Variants in EXOC6 observed in about 807,000 individuals in gnomAD.
The protein encoded by EXOC6 is SEC15-like 1.
Under a neutral mutation model 112.5 loss-of-function variants are expected in EXOC6, and 60 were observed. The ratio of observed to expected loss-of-function variants is 0.53; its 90% CI spans 0.43 to 0.66. The LOEUF is 0.66. Among genes scored for constraint, EXOC6 ranks in the 30% least tolerant of loss-of-function variants. EXOC6 has a pLI of 0.00. For missense variants in EXOC6, 855 were observed against 957.1 expected, an observed-to-expected ratio of 0.89 and a Z score of 1.41; for synonymous variants, 295 against 308.0, an observed-to-expected ratio of 0.96 and a Z score of 0.44.
At chr10:92,953,867 T>TATAACTAA (rs1853550286) in intron 15 of EXOC6, among the ~76,000 whole-genome samples, 1 of 152,170 alleles carries the variant, frequency 6.6e-6, no homozygotes, top group Non-Finnish European at 1.5e-5. Flanking sequence ...TCAATGAAAA[T>TATAACTAA]GGATAACTTA....
intron 7 of EXOC6, among the ~76,000 whole-genome samples, chr10:92,918,997 G>C (rs547133486): frequency 6.6e-6 from 1 of 151,998 alleles, no homozygotes; most frequent in East Asian, 1.9e-4. Flanking sequence ...TTATTATTAG[G>C]TTTTTTGTCC....
intron 19 of EXOC6, among the ~76,000 whole-genome samples, chr10:93,012,010 C>T (rs746526202): frequency 3.3e-5 from 5 of 152,158 alleles, no homozygotes; most frequent in African/African-American, 4.8e-5. Context: ...AATTTAGTCA[C>T]TTATCTAATG....
At chr10:92,989,737 G>A (rs1843155652) in intron 18 of EXOC6, among the ~76,000 whole-genome samples, 1 of 152,136 alleles carries the variant, frequency 6.6e-6, no homozygotes, top group African/African-American at 2.4e-5. Flanking sequence ...ATACAGAAGT[G>A]ATATTCAGAA....
intron 19 of EXOC6, chr10:92,999,223 GTTTT>G: frequency 1.1e-5 from 4 of 348,130 alleles, no homozygotes; most frequent in East Asian, 9.7e-5. Flanking sequence ...TTTTTTACAA[GTTTT>G]TTTTTTTTTT....
intron 20 of EXOC6, among the ~76,000 whole-genome samples, chr10:93,020,218 TCA>T (rs1348368590): frequency 6.6e-6 from 1 of 152,194 alleles, no homozygotes; most frequent in Non-Finnish European, 1.5e-5. Flanking sequence ...ACTAATGTTT[TCA>T]CATTTTTCTC....
At chr10:92,948,577 A>ACTACTG (rs1853188702) in intron 14 of EXOC6, among the ~76,000 whole-genome samples, 198 bp downstream of exon 14, 1 of 141,560 alleles carries the variant, frequency 7.1e-6, no homozygotes, top group Non-Finnish European at 1.5e-5. Flanking sequence ...TACTACCACT[A>ACTACTG]CTACTACTAC....
chr10:93,042,336 A>G (rs1012179325), intron 20 of EXOC6, among the ~76,000 whole-genome samples: 2 of 152,222 alleles, frequency 1.3e-5, no homozygotes, highest in East Asian at 3.8e-4. Context: ...TGATGCTCTG[A>G]TAATAGCCTA....
intron 2 of EXOC6, 73 bp downstream of exon 2, chr10:92,893,593 T>A: frequency 8.3e-7 from 1 of 1,210,642 alleles, no homozygotes; most frequent in Non-Finnish European, 1.2e-6. Flanking sequence ...AGTACATATG[T>A]ACAAGTCATT....
chr10:93,048,599 T>A (rs765099808), intron 20 of EXOC6, among the ~76,000 whole-genome samples: 8 of 151,252 alleles, frequency 5.3e-5, no homozygotes, highest in East Asian at 1.9e-4. Flanking sequence ...ATAATAAAAT[T>A]AAAAAAAATT....
intron 20 of EXOC6, 138 bp from the exon 21 acceptor site, chr10:93,056,786 G>A: frequency 1.7e-6 from 1 of 601,742 alleles, no homozygotes; most frequent in South Asian, 2.1e-5. Context: ...AGTTAATGAA[G>A]TTTTAAAAAT....
At chr10:92,899,743 G>C in intron 5 of EXOC6, 99 bp downstream of exon 5, 2 of 899,668 alleles carry the variant, frequency 2.2e-6, no homozygotes, top group Non-Finnish European at 3.5e-6. Flanking sequence ...CATGAGTTTT[G>C]CTTTCTTCAT....
chr10:92,923,534 G>A (rs1851555540), intron 8 of EXOC6, among the ~76,000 whole-genome samples: 1 of 152,088 alleles, frequency 6.6e-6, no homozygotes, highest in Non-Finnish European at 1.5e-5. Flanking sequence ...TGGAGGATTT[G>A]CCTCTATGAT....
intron 19 of EXOC6, among the ~76,000 whole-genome samples, chr10:93,010,342 C>T (rs1844181267): frequency 6.6e-6 from 1 of 152,000 alleles, no homozygotes; most frequent in African/African-American, 2.4e-5. Context: ...GGAGTAAATG[C>T]CAGAAAACCT....
Position 92,980,750 on chromosome 10 carries a change from A to G in EXOC6, c.1953+6518A>G, listed in dbSNP as rs186123933. 3.1e-3 allele frequency among the ~76,000 whole-genome samples: 477 copies of G among 152,306 alleles called. 3 individuals are homozygous for G. The highest frequency in any genetic ancestry group is 0.011 in the African/African-American group (455 of 41,570). On this transcript the variant is annotated intron_variant, in intron 18 of 21. Transcript: ENST00000260762. ...ATTAGTACCCTTGGAAATCATGCCA[A>G]TTTTCAATATTTTAAATGTATAAGT...
chr10:92,986,448 C>G (rs1365916111), intron 18 of EXOC6, among the ~76,000 whole-genome samples: 6 of 151,896 alleles, frequency 4.0e-5, no homozygotes, highest in Admixed American at 3.9e-4. Context: ...CCACTGCCTA[C>G]TAGGGTTAAT....
intron 4 of EXOC6, among the ~76,000 whole-genome samples, chr10:92,899,038 A>G (rs1437263542): frequency 1.3e-5 from 2 of 152,212 alleles, no homozygotes; most frequent in Non-Finnish European, 2.9e-5. Flanking sequence ...GGATGAAATG[A>G]ATAAAGATGC....
At chr10:92,984,209 C>T (rs1842921761) in intron 18 of EXOC6, among the ~76,000 whole-genome samples, 1 of 151,946 alleles carries the variant, frequency 6.6e-6, no homozygotes. Flanking sequence ...AGCATCATGG[C>T]CAAATAGATT....
chr10:93,054,953 TAAAG>T (rs146234588), intron 20 of EXOC6, among the ~76,000 whole-genome samples: 73,254 of 151,626 alleles, frequency 0.48, 19,660 homozygotes, highest in Non-Finnish European at 0.61. Context: ...ATTACAAAAA[TAAAG>T]AAAATAACAG....
intron 18 of EXOC6, among the ~76,000 whole-genome samples, chr10:92,975,752 GC>G (rs1322780257): frequency 7.6e-6 from 1 of 132,048 alleles, no homozygotes; most frequent in African/African-American, 2.8e-5. Context: ...CGGGGGGCCA[GC>G]CCCCCGCCGG....
Sources: gnomAD v4.1 joint callset for allele counts (sites outside exome capture counted in the v4.1 genomes callset) on GRCh38, gnomAD v4.1.1 for gene constraint, MANE v1.5 for transcripts, NCBI Gene and HGNC (gene_info 2026-07-23, HGNC 2026-07-21) for gene names.